The following CLYBL variants were observed in gnomAD, a reference collection of about 807,000 sequenced individuals.
The protein encoded by CLYBL is citramalyl-CoA lyase, mitochondrial.
Under a neutral mutation model 38.9 loss-of-function variants are expected in CLYBL, and 31 were observed. The ratio of observed to expected loss-of-function variants is 0.80; its 90% CI spans 0.60 to 1.08. CLYBL has a LOEUF of 1.08. CLYBL is among the 50% of genes least tolerant of loss of function. The pLI, the probability that CLYBL is intolerant of heterozygous loss-of-function variation, is 0.00. For missense variants in CLYBL, 434 were observed against 411.6 expected (o/e 1.05, Z -0.47); for synonymous variants, 171 against 158.6 (o/e 1.08, Z -0.59).
intron 1 of CLYBL, among the ~76,000 whole-genome samples, chr13:99,612,411 A>G (rs2046640528): frequency 8.4e-6 from 1 of 119,332 alleles, no homozygotes; most frequent in Admixed American, 9.9e-5. Flanking sequence ...TTTTTGAGAC[A>G]AGGTCTTGCT....
At chr13:99,863,887 G>A (rs9554644) in intron 4 of CLYBL, among the ~76,000 whole-genome samples, 3 of 152,044 alleles carry the variant, frequency 2.0e-5, no homozygotes, top group Non-Finnish European at 2.9e-5. Context: ...AAACATAGTC[G>A]AACTGTACTG....
chr13:99,660,366 A>G (rs998421943), intron 1 of CLYBL, among the ~76,000 whole-genome samples: 2 of 152,164 alleles, frequency 1.3e-5, no homozygotes, highest in African/African-American at 4.8e-5. Context: ...TTCCACTTTT[A>G]AAAACGTGTG....
At chr13:99,650,045 C>T (rs906064003) in intron 1 of CLYBL, among the ~76,000 whole-genome samples, 3 of 152,022 alleles carry the variant, frequency 2.0e-5, no homozygotes, top group Non-Finnish European at 4.4e-5. Context: ...GGGCGGATCA[C>T]GAGGTCAGGA....
intron 1 of CLYBL, among the ~76,000 whole-genome samples, chr13:99,653,300 C>G (rs2047281819): frequency 6.6e-6 from 1 of 151,884 alleles, no homozygotes; most frequent in Non-Finnish European, 1.5e-5. Context: ...TTTTAAAGAG[C>G]AGGAATAAGC....
intron 1 of CLYBL, among the ~76,000 whole-genome samples, chr13:99,650,060 G>A (rs4772226): frequency 0.69 from 104,938 of 151,746 alleles, 37,648 homozygotes; most frequent in East Asian, 0.89. Flanking sequence ...TCAGGAGATA[G>A]AGACCATCAT....
In CLYBL at chr13:99,626,335, G is replaced by C. The variant is rs375568719; in HGVS notation, c.62+19578G>C. Reference sequence around the variant, plus strand: ...AGGGGCTGGGCATGACGTTGAGAGCGGGGGAGGTTGAGGCCAGACTGTGAA... The same window carrying C: ...AGGGGCTGGGCATGACGTTGAGAGCCGGGGAGGTTGAGGCCAGACTGTGAA... On this transcript the variant is annotated intron_variant, in intron 1 of 8. Coordinates refer to ENST00000339105, the MANE Select transcript of CLYBL (RefSeq NM_206808.5). 1.1e-3 allele frequency among the ~76,000 whole-genome samples: 171 copies of C among 152,328 alleles called. 2 individuals carry two copies. The highest frequency in any genetic ancestry group is 3.8e-3 in the African/African-American group (159 of 41,580).
downstream of CLYBL, among the ~76,000 whole-genome samples, chr13:99,900,604 G>A (rs2052631226): frequency 6.6e-6 from 1 of 152,066 alleles, no homozygotes; most frequent in Non-Finnish European, 1.5e-5. Context: ...GGACCTGCTA[G>A]GGGACTTGCT....
intron 1 of CLYBL, among the ~76,000 whole-genome samples, chr13:99,770,208 C>T (rs1594170904): frequency 6.6e-6 from 1 of 151,918 alleles, no homozygotes; most frequent in African/African-American, 2.4e-5. Flanking sequence ...GCTACTCAGC[C>T]GCCCAAGTAG....
At chr13:99,682,977 A>AT (rs1159055927) in intron 1 of CLYBL, among the ~76,000 whole-genome samples, 1 of 149,970 alleles carries the variant, frequency 6.7e-6, no homozygotes, top group Non-Finnish European at 1.5e-5. Flanking sequence ...ACCTCAGGTG[A>AT]TTCACCCACC....
chr13:99,899,677 A>G (rs564773742), downstream of CLYBL, among the ~76,000 whole-genome samples: 3 of 152,342 alleles, frequency 2.0e-5, no homozygotes, highest in South Asian at 6.2e-4. Context: ...ATATTTTACC[A>G]TAATTTTTTA....
intron 2 of CLYBL, among the ~76,000 whole-genome samples, chr13:99,844,360 A>T (rs1314522588): frequency 6.6e-6 from 1 of 152,204 alleles, no homozygotes; most frequent in Non-Finnish European, 1.5e-5. Context: ...GGCAAATGAG[A>T]TCACAGGCAT....
At chr13:99,899,573 T>A (rs1354034778), downstream of CLYBL, among the ~76,000 whole-genome samples, 1 of 152,098 alleles carries the variant, frequency 6.6e-6, no homozygotes, top group East Asian at 1.9e-4. Flanking sequence ...TTTTGCAAGA[T>A]GAAAAAAGTT....
intron 1 of CLYBL, among the ~76,000 whole-genome samples, chr13:99,641,244 C>T (rs1336181520): frequency 6.6e-6 from 1 of 152,024 alleles, no homozygotes; most frequent in Non-Finnish European, 1.5e-5. Context: ...CATTTATAAC[C>T]TATAGGTTAA....
At chr13:99,847,616 G>A (rs2051236831) in intron 2 of CLYBL, among the ~76,000 whole-genome samples, 1 of 152,128 alleles carries the variant, frequency 6.6e-6, no homozygotes, top group Non-Finnish European at 1.5e-5. Context: ...CCATACTGTT[G>A]GGCTTCCAGA....
intron 1 of CLYBL, among the ~76,000 whole-genome samples, chr13:99,609,752 T>C (rs1238617377): frequency 1.3e-5 from 2 of 152,164 alleles, no homozygotes; most frequent in African/African-American, 4.8e-5. Context: ...TTGCTCAGGC[T>C]GGTCTCGAAC....
chr13:99,668,301 T>C (rs2139354016), intron 1 of CLYBL, among the ~76,000 whole-genome samples: 1 of 146,476 alleles, frequency 6.8e-6, no homozygotes, highest in Admixed American at 6.8e-5. Context: ...AATAGAACAC[T>C]GGCGGCCGGG....
intron 1 of CLYBL, among the ~76,000 whole-genome samples, chr13:99,772,544 A>C (rs2049417593): frequency 6.6e-6 from 1 of 152,030 alleles, no homozygotes; most frequent in South Asian, 2.1e-4. Context: ...AAAAAATACA[A>C]AAAATTAGCC....
rs772207795 is a variant in CLYBL, at chr13:99,858,924, T to C, written c.313T>C (p.Cys105Arg). 6.8e-6 allele frequency: 11 copies of C among 1,613,988 alleles called. No individual in the cohort carries two copies. In the East Asian group the frequency reaches 2.2e-4, roughly 33 times the overall value. ...CATTGATCTGGGCCCTACTGAAAAA[T>C]GTGTGAGAGTCAACTCAGTTTCCAG... Reference protein sequence around the residue: ...EDIDLGPTEKCVRVNSVSSGL... With the variant: ...EDIDLGPTEKRVRVNSVSSGL... Residue 105 changes from cysteine to arginine, a missense_variant, in exon 3 of 9, where the codon TGT (cysteine) becomes CGT (arginine). Coordinates refer to ENST00000339105, the MANE Select transcript of CLYBL (RefSeq NM_206808.5).
At chr13:99,821,134 A>G (rs2050580399) in intron 2 of CLYBL, among the ~76,000 whole-genome samples, 1 of 152,176 alleles carries the variant, frequency 6.6e-6, no homozygotes, top group Admixed American at 6.5e-5. Flanking sequence ...GAGGGAATTG[A>G]TTGGGGTTTC....
Sources: allele counts gnomAD v4.1 joint callset (sites outside exome capture counted in the v4.1 genomes callset), GRCh38; gene constraint gnomAD v4.1.1; transcripts MANE v1.5; gene names NCBI Gene and HGNC (gene_info 2026-07-23, HGNC 2026-07-21).